Variants in LPCAT1 observed in about 807,000 individuals in gnomAD.
LPCAT1 encodes 1-acylglycerol-3-phosphate O-acyltransferase.
In LPCAT1, 23 loss-of-function variants were observed where a neutral mutation model predicts 60.9. The observed-to-expected ratio is 0.38, with a 90% CI of 0.27 to 0.53. The LOEUF is 0.53. Ranked by LOEUF, LPCAT1 falls within the 20% of genes least tolerant of loss-of-function variation. The probability of loss-of-function intolerance (pLI) is 0.82; values close to 1 mark genes in which losing one functional copy is unlikely to be tolerated. For synonymous variants in LPCAT1, 340 were observed against 301.1 expected, an observed-to-expected ratio of 1.13 and a Z score of -1.34; for missense variants, 622 against 723.6, an observed-to-expected ratio of 0.86 and a Z score of 1.61.
In LPCAT1 at chr5:1,496,676, G is replaced by A. The variant is rs1735807539; in HGVS notation, c.279-1762C>T. 6.6e-6 allele frequency among the ~76,000 whole-genome samples: 1 copy of A among 152,230 alleles called. No homozygotes were observed. The highest frequency in any genetic ancestry group is 6.5e-5 in the Admixed American group (1 of 15,286). On this transcript the variant is annotated intron_variant, in intron 2 of 13. Transcript: ENST00000283415. The surrounding 1 kb of genome is among the most constrained non-coding windows in gnomAD (Gnocchi z 4.7). ...GGGACAGACGGTGCTCAGGGGAACTGTACTGGGTGTCGGGGCAGGGAAAAA... is the reference window on the plus strand; with the variant it reads ...GGGACAGACGGTGCTCAGGGGAACTATACTGGGTGTCGGGGCAGGGAAAAA...
rs766925750 is a variant in LPCAT1, at chr5:1,483,971, G to T, written c.668-485C>A. Among the ~76,000 whole-genome samples, 4 of 152,254 alleles carry T rather than the reference G, an allele frequency of 2.6e-5. No homozygotes were observed. Among genetic ancestry groups the T allele is most frequent in the Non-Finnish European group, 5.9e-5 (4 of 68,052 alleles). ...TGGAAGGCGTTGGTGGGAAGTGGGG[G>T]TCCTCATCACCGGCCAATGCTCACC... is the stretch of plus-strand genomic sequence containing the variant. On this transcript the variant is annotated intron_variant, in intron 5 of 13. Transcript: ENST00000283415. This position sits in a 1 kb window ranked among gnomAD's most constrained non-coding sequence, Gnocchi z 9.2.
rs905328570 is a variant in LPCAT1 at position 1,476,597 on chromosome 5, C to T, written c.899+807G>A. The stretch of plus-strand genomic sequence containing the variant: ...TGGGGGTGGGGCCGGTGGACCGAGG[C>T]TGATGTGGCTTCCAAGTGGCTCCTG... On this transcript the variant is annotated intron_variant, in intron 9 of 13. Coordinates refer to ENST00000283415, the MANE Select transcript of LPCAT1 (RefSeq NM_024830.5). The surrounding 1 kb of genome is among the most constrained non-coding windows in gnomAD (Gnocchi z 8.6). 1.3e-5 allele frequency among the ~76,000 whole-genome samples: 2 copies of T among 152,150 alleles called. No individual in the cohort carries two copies. Among genetic ancestry groups the T allele is most frequent in the Non-Finnish European group, 2.9e-5 (2 of 68,024 alleles).
At chr5:1,503,888 C>T (rs747266624) in intron 1 of LPCAT1, among the ~76,000 whole-genome samples, 51 of 152,206 alleles carry the variant, frequency 3.4e-4, no homozygotes, top group Non-Finnish European at 6.0e-4. Context: ...TGGGTTCACA[C>T]CAAGCCTGCT....
chr5:1,498,375 C>T (rs922431304), intron 2 of LPCAT1, among the ~76,000 whole-genome samples: 2 of 152,214 alleles, frequency 1.3e-5, no homozygotes, highest in African/African-American at 2.4e-5. Context: ...AGGGAGCTTT[C>T]ATCAGTGCTG....
chr5:1,515,859 C>T (rs1032114456), intron 1 of LPCAT1, among the ~76,000 whole-genome samples: 3 of 152,212 alleles, frequency 2.0e-5, no homozygotes, highest in Non-Finnish European at 1.5e-5. Context: ...TGGCCCTGTC[C>T]CTGGCTATGG....
At chr5:1,491,005 G>A (rs1442986701) in intron 3 of LPCAT1, among the ~76,000 whole-genome samples, 2 of 151,876 alleles carry the variant, frequency 1.3e-5, no homozygotes, top group Non-Finnish European at 2.9e-5. Context: ...CTTGTAAGGA[G>A]TAGCATTTCA....
intron 2 of LPCAT1, among the ~76,000 whole-genome samples, chr5:1,498,926 T>A (rs1383344520): frequency 7.1e-6 from 1 of 140,852 alleles, no homozygotes; most frequent in African/African-American, 2.4e-5. Context: ...CATGCGCATA[T>A]GTACACACAT....
chr5:1,480,676 A>C lies in LPCAT1; in HGVS notation c.761+266T>G, dbSNP rs766780491. ...ACCAGGTGGACGATCGTAATTACTG[A>C]GCTGGCAAACTCGAGAGCCGAATGC... On this transcript the variant is annotated intron_variant, in intron 7 of 13. Transcript: ENST00000283415. The surrounding 1 kb of genome is among the most constrained non-coding windows in gnomAD (Gnocchi z 6.4). 2.0e-5 allele frequency among the ~76,000 whole-genome samples: 3 copies of C among 152,068 alleles called. No individual in the cohort carries two copies. The highest frequency in any genetic ancestry group is 4.8e-5 in the African/African-American group (2 of 41,398).
intron 1 of LPCAT1, among the ~76,000 whole-genome samples, chr5:1,510,114 T>C (rs1380293360): frequency 6.6e-6 from 1 of 152,184 alleles, no homozygotes; most frequent in Non-Finnish European, 1.5e-5. Flanking sequence ...CCTGTGAACA[T>C]CCATTGTCTC....
rs370314360 is a variant in LPCAT1 at position 1,483,437 on chromosome 5, T to C, written c.717A>G (p.Pro239=). The change falls in exon 6 of 14, where the codon CCA becomes CCG. Residue 239 remains proline, a synonymous_variant. Transcript: ENST00000283415. This position sits in a 1 kb window ranked among gnomAD's most constrained non-coding sequence, Gnocchi z 9.2. The part of the protein sequence containing the change: ...APVQPVVLRY[P]NKLDTITWTW... ...AAAAAACACAACTCACCAGTTTATT[T>C]GGATATCGTAAAACCACAGGCTGGA... 1.7e-4 allele frequency: 280 copies of C among 1,613,674 alleles called. No individual in the cohort carries two copies. The highest frequency in any genetic ancestry group is 2.3e-4 in the Non-Finnish European group (274 of 1,180,026).
intron 2 of LPCAT1, among the ~76,000 whole-genome samples, chr5:1,501,074 G>A (rs1735985826): frequency 6.6e-6 from 1 of 152,246 alleles, no homozygotes; most frequent in Non-Finnish European, 1.5e-5. Context: ...GAGGGGTAAG[G>A]GGGCTGGCAG....
rs774573270 is a variant in LPCAT1 at position 1,474,532 on chromosome 5, G to A, written c.1025+28C>T. 38 of 1,612,456 alleles carry A rather than the reference G, an allele frequency of 2.4e-5. No homozygotes were observed. In the Admixed American group the frequency reaches 6.2e-4, roughly 26 times the overall value. On this transcript the variant is annotated intron_variant, in intron 10 of 13. Transcript: ENST00000283415. ...CTCGGCATCACGGGTTCTAGCTAATGCTCAAGGAAGAAGAACCAGGTACTC... is the reference window on the plus strand; with the variant it reads ...CTCGGCATCACGGGTTCTAGCTAATACTCAAGGAAGAAGAACCAGGTACTC...
At chr5:1,492,646 C>A (rs1431062384) in intron 3 of LPCAT1, among the ~76,000 whole-genome samples, 1 of 152,198 alleles carries the variant, frequency 6.6e-6, no homozygotes, top group Non-Finnish European at 1.5e-5. Flanking sequence ...ATGGCTGTGG[C>A]CATTCTTCCT....
At chr5:1,470,400 T>C (rs1016925658) in intron 12 of LPCAT1, among the ~76,000 whole-genome samples, 3 of 152,144 alleles carry the variant, frequency 2.0e-5, no homozygotes, top group African/African-American at 4.8e-5. Flanking sequence ...CCCCCAGTGG[T>C]GATGACTGGG....
Position 1,487,084 on chromosome 5 carries a change from C to T in LPCAT1, c.667+1307G>A, listed in dbSNP as rs1228776377. Among the ~76,000 whole-genome samples, 4 of 152,188 alleles carry T rather than the reference C, an allele frequency of 2.6e-5. No individual in the cohort carries two copies. The highest frequency in any genetic ancestry group is 4.1e-4 in the South Asian group (2 of 4,838). On this transcript the variant is annotated intron_variant, in intron 5 of 13. Coordinates refer to ENST00000283415, the MANE Select transcript of LPCAT1 (RefSeq NM_024830.5). This position sits in a 1 kb window ranked among gnomAD's most constrained non-coding sequence, Gnocchi z 6.1. ...CTCCCCAGGGGCCTCCCTGCAGGCA[C>T]GAGGCTCCACTCCCGAGGAACACCT... is the stretch of plus-strand genomic sequence containing the variant.
intron 3 of LPCAT1, among the ~76,000 whole-genome samples, chr5:1,492,387 G>A (rs1463246730): frequency 6.6e-6 from 1 of 152,202 alleles, no homozygotes; most frequent in Non-Finnish European, 1.5e-5. Flanking sequence ...TGGAGCCTGG[G>A]GAGATGGTTC....
At chr5:1,504,858 G>A (rs535558296) in intron 1 of LPCAT1, among the ~76,000 whole-genome samples, 19 of 152,218 alleles carry the variant, frequency 1.2e-4, no homozygotes, top group African/African-American at 3.4e-4. Flanking sequence ...GAAGTTCCCC[G>A]GTCTGACCCT....
chr5:1,467,713 G>A (rs1010759147), intron 12 of LPCAT1, among the ~76,000 whole-genome samples: 1 of 151,186 alleles, frequency 6.6e-6, no homozygotes, highest in African/African-American at 2.5e-5. Flanking sequence ...CAGCCCTTTA[G>A]GCTCGAGCCT....
At chr5:1,491,156 G>A (rs1227169487) in intron 3 of LPCAT1, among the ~76,000 whole-genome samples, 5 of 106,890 alleles carry the variant, frequency 4.7e-5, no homozygotes, top group East Asian at 2.2e-4. Flanking sequence ...GCTTTTTCAC[G>A]ATTCCAGTAC....
Sources: gnomAD v4.1 joint callset for allele counts (sites outside exome capture counted in the v4.1 genomes callset) on GRCh38, gnomAD v4.1.1 for gene constraint, Gnocchi (gnomAD v3.1) non-coding constraint, MANE v1.5 for transcripts, NCBI Gene and HGNC (gene_info 2026-07-23, HGNC 2026-07-21) for gene names.